XPO4: variants seen among roughly 807,000 people sequenced by gnomAD.
The protein encoded by XPO4 is exportin 4.
A neutral mutation model predicts 143.0 loss-of-function variants in XPO4; 39 were observed. The observed-to-expected ratio is 0.27, with a 90% CI of 0.21 to 0.36. The LOEUF (loss-of-function observed/expected upper bound fraction) is 0.36, where lower values mean the gene tolerates loss of function less well. Ranked by LOEUF, XPO4 falls within the 10% of genes least tolerant of loss-of-function variation. The pLI is 1.00. For synonymous variants in XPO4, 439 were observed against 474.0 expected (o/e 0.93, Z 0.96); for missense variants, 907 against 1,348.0 (o/e 0.67, Z 5.12).
At chr13:20,796,697 G>T (rs2059362812) in intron 17 of XPO4, 67 bp downstream of exon 17, 1 of 1,216,486 alleles carries the variant, frequency 8.2e-7, no homozygotes, top group Non-Finnish European at 1.1e-6. Context: ...TTTAAGCAAA[G>T]ATCTATTATT....
At chr13:20,823,943 C>A (rs562860214) in intron 7 of XPO4, among the ~76,000 whole-genome samples, 1 of 152,310 alleles carries the variant, frequency 6.6e-6, no homozygotes, top group South Asian at 2.1e-4. Context: ...TGAGCCACCA[C>A]GCCCGGCCAA....
At chr13:20,881,060 T>C (rs2138157834) in intron 1 of XPO4, among the ~76,000 whole-genome samples, 1 of 150,830 alleles carries the variant, frequency 6.6e-6, no homozygotes, top group Admixed American at 6.6e-5. Flanking sequence ...AAAGGACAAA[T>C]ACTGTATGAT....
intron 1 of XPO4, chr13:20,879,191 C>T (rs2060382717): frequency 1.0e-6 from 1 of 985,290 alleles, no homozygotes; most frequent in Non-Finnish European, 1.2e-6. Flanking sequence ...AAGCCAGGGC[C>T]CATCTCAGGT....
At chr13:20,856,333 A>T in intron 3 of XPO4, 1 of 985,358 alleles carries the variant, frequency 1.0e-6, no homozygotes, top group Non-Finnish European at 1.2e-6. Context: ...ACACACAAAC[A>T]TTCAAAATGT....
intron 13 of XPO4, 43 bp from the exon 14 acceptor site, chr13:20,801,033 A>C: frequency 6.3e-7 from 1 of 1,590,500 alleles, no homozygotes. Context: ...TTATTTATTT[A>C]GTTGCTGTCT....
intron 9 of XPO4, among the ~76,000 whole-genome samples, chr13:20,815,684 A>T (rs776861722): frequency 1.3e-5 from 2 of 152,216 alleles, no homozygotes; most frequent in Non-Finnish European, 2.9e-5. Flanking sequence ...AACGTGTTAG[A>T]TATGTGATTC....
intron 4 of XPO4, chr13:20,848,802 A>G (rs766228221): frequency 3.0e-6 from 3 of 985,344 alleles, no homozygotes; most frequent in Non-Finnish European, 3.6e-6. Flanking sequence ...TTGGTTGTTT[A>G]TAAATTTCTA....
At chr13:20,849,746 C>CT (rs1222097338) in intron 4 of XPO4, 1 of 985,206 alleles carries the variant, frequency 1.0e-6, no homozygotes. Flanking sequence ...AGAACCAAGT[C>CT]TTTAAGATAC....
chr13:20,902,526 C>T, intron 1 of XPO4, 144 bp downstream of exon 1: 1 of 1,330,022 alleles, frequency 7.5e-7, no homozygotes, highest in South Asian at 1.9e-5. Context: ...GAATCCTGCG[C>T]CACGCCACCG....
intron 1 of XPO4, among the ~76,000 whole-genome samples, chr13:20,876,529 TAATA>T (rs1173457617): frequency 1.3e-5 from 2 of 152,094 alleles, no homozygotes. Context: ...TTGTACATAA[TAATA>T]AATTCCAGGT....
chr13:20,807,014 A>T (rs2137880587), intron 13 of XPO4, among the ~76,000 whole-genome samples: 1 of 152,140 alleles, frequency 6.6e-6, no homozygotes, highest in Non-Finnish European at 1.5e-5. Flanking sequence ...ACATATTTCC[A>T]TTTTACGAGA....
Position 20,805,108 on chromosome 13 carries a change from C to T in XPO4, c.1817+2349G>A, listed in dbSNP as rs976752174. Among the ~76,000 whole-genome samples, 14 of 152,066 alleles carry T rather than the reference C, an allele frequency of 9.2e-5. No homozygotes were observed. In the South Asian group the frequency reaches 1.5e-3, roughly 16 times the overall value. ...TACAGGAGGCGAGCACCACCATGCCCGGCTAATTTTTTGTATTTAGTAGAG... is the reference window on the plus strand; with the variant it reads ...TACAGGAGGCGAGCACCACCATGCCTGGCTAATTTTTTGTATTTAGTAGAG... On this transcript the variant is annotated intron_variant, in intron 13 of 22. Transcript: ENST00000255305.
intron 1 of XPO4, among the ~76,000 whole-genome samples, chr13:20,875,122 A>T (rs1004760855): frequency 6.6e-6 from 1 of 152,200 alleles, no homozygotes; most frequent in Non-Finnish European, 1.5e-5. Context: ...CAAAAACATA[A>T]ATACTGGTAG....
rs201836573 is a variant in XPO4, at chr13:20,790,561, A to G, written c.2817T>C (p.His939=). 3 of 1,614,104 alleles carry G rather than the reference A, an allele frequency of 1.9e-6. No homozygotes were observed. Among genetic ancestry groups the G allele is most frequent in the South Asian group, 1.1e-5 (1 of 91,084 alleles). The part of the protein sequence containing the change: ...FSDTDEVFRG[H]EPGQAANRSV... ...ATCTGTTTGCTGCTTGACCTGGCTC[A>G]TGTCCTCTAAACACTTCATCTATTA... The change falls in exon 19 of 23, where the codon CAT becomes CAC. Residue 939 remains histidine (H), a synonymous_variant. Transcript: ENST00000255305.
rs2059728467 is a variant in XPO4, at chr13:20,822,153, C to G, written c.977G>C (p.Gly326Ala). Reference sequence around the variant, plus strand: ...CTACCCATTGATAGTATTCAGTAATCCCTCAATGAAGTGTGCTAGATAATC... The same window carrying G: ...CTACCCATTGATAGTATTCAGTAATGCCTCAATGAAGTGTGCTAGATAATC... ...QVDYLAHFIE[G>A]LLNTINGIEI... The change falls in exon 8 of 23, where the codon GGA becomes GCA. Residue 326 changes from glycine (G) to alanine (A), a missense_variant. Coordinates refer to ENST00000255305, the MANE Select transcript of XPO4 (RefSeq NM_022459.5). 1.2e-6 allele frequency: 2 copies of G among 1,612,568 alleles called. No homozygotes were observed. Among genetic ancestry groups the G allele is most frequent in the Admixed American group, 3.3e-5 (2 of 59,878 alleles).
chr13:20,870,089 CAAA>C (rs59710121), intron 1 of XPO4, among the ~76,000 whole-genome samples: 1 of 98,926 alleles, frequency 1.0e-5, no homozygotes, highest in Non-Finnish European at 1.9e-5. Flanking sequence ...GAAGGAGTCT[CAAA>C]AAAAAAAAAA....
chr13:20,788,744 T>C (rs2141482740), intron 19 of XPO4, 128 bp from the exon 20 acceptor site: 1 of 958,496 alleles, frequency 1.0e-6, no homozygotes. Context: ...GTACAAGATA[T>C]AGAAAACATG....
chr13:20,864,045 C>A (rs989657738), intron 2 of XPO4, among the ~76,000 whole-genome samples: 2 of 152,034 alleles, frequency 1.3e-5, no homozygotes, highest in African/African-American at 4.8e-5. Flanking sequence ...TAAGAGAAAC[C>A]AATTTGAACC....
At chr13:20,831,117 T>A (rs1595107259) in intron 6 of XPO4, among the ~76,000 whole-genome samples, 1 of 151,970 alleles carries the variant, frequency 6.6e-6, no homozygotes, top group Non-Finnish European at 1.5e-5. Flanking sequence ...TTATAAGAAA[T>A]CAAAAAAAAT....
Sources: gnomAD v4.1 joint callset for allele counts (sites outside exome capture counted in the v4.1 genomes callset) on GRCh38, gnomAD v4.1.1 for gene constraint, MANE v1.5 for transcripts, NCBI Gene and HGNC (gene_info 2026-07-23, HGNC 2026-07-21) for gene names.